STON2: variants seen among roughly 807,000 people sequenced by gnomAD.
STON2 encodes stonin-2.
STON2 carries 29 observed loss-of-function variants against 65.7 expected under a neutral mutation model. The observed-to-expected ratio is 0.44, with a 90% CI of 0.33 to 0.60. The LOEUF is 0.60. STON2 is among the 20% of genes least tolerant of loss of function. The pLI is 0.03. For synonymous variants in STON2, 404 were observed against 414.2 expected (o/e 0.98, Z 0.30); for missense variants, 1,054 against 1,118.1 (o/e 0.94, Z 0.82).
At chr14:81,268,564 A>C in intron 7 of STON2, 67 bp from the exon 8 acceptor site, 1 of 1,284,636 alleles carries the variant, frequency 7.8e-7, no homozygotes, top group Non-Finnish European at 1.0e-6. Context: ...TAAATAAGTA[A>C]ACCAAAACTC....
rs751315686 is a variant in STON2, at chr14:81,413,464, C to T, written c.-199+13638G>A. On this transcript the variant is annotated intron_variant, in intron 2 of 8. Coordinates refer to the STON2 transcript ENST00000553821. ...ATTTATTTTCTATTCCATACTTCTG[C>T]CTCACGTTGTTTTCTCTCAAAATCC... Among the ~76,000 whole-genome samples the T allele has an allele frequency of 8.3e-4, 117 of 140,196 alleles. 19 individuals carry two copies. Among genetic ancestry groups the T allele is most frequent in the Non-Finnish European group, 1.4e-3 (94 of 66,998 alleles). The allele number at this position is 140,196 out of a possible 152,430, so 92.0% of individuals were successfully genotyped here.
chr14:81,279,703 TG>T (rs1895030208), intron 5 of STON2, among the ~76,000 whole-genome samples: 1 of 143,908 alleles, frequency 6.9e-6, no homozygotes, highest in Admixed American at 6.8e-5. Context: ...AAATGAAAAA[TG>T]AAAAAAAAAA....
At chr14:81,384,222 T>C (rs548298558) in intron 3 of STON2, among the ~76,000 whole-genome samples, 1 of 150,808 alleles carries the variant, frequency 6.6e-6, no homozygotes, top group South Asian at 2.1e-4. Context: ...CTAACACACT[T>C]ACTGTATTAT....
intron 2 of STON2, among the ~76,000 whole-genome samples, chr14:81,405,897 C>G (rs1900835552): frequency 6.6e-6 from 1 of 152,168 alleles, no homozygotes; most frequent in Non-Finnish European, 1.5e-5. Flanking sequence ...CAGACTCACT[C>G]TCAATCTGGG....
At chr14:81,426,397 C>A (rs574525646) in intron 2 of STON2, among the ~76,000 whole-genome samples, 3 of 152,192 alleles carry the variant, frequency 2.0e-5, no homozygotes, top group South Asian at 4.1e-4. Flanking sequence ...CCTGATTCAA[C>A]CCTAGGACCC....
chr14:81,343,621 T>C (rs1279277686), intron 4 of STON2, among the ~76,000 whole-genome samples: 1 of 152,198 alleles, frequency 6.6e-6, no homozygotes, highest in Admixed American at 6.5e-5. Flanking sequence ...AATGAAACTT[T>C]TTCTAGTTAG....
chr14:81,381,570 C>A (rs1899518158), intron 3 of STON2, among the ~76,000 whole-genome samples: 1 of 148,310 alleles, frequency 6.7e-6, no homozygotes, highest in Non-Finnish European at 1.5e-5. Flanking sequence ...TGTTAGTAAT[C>A]TAGGAAATGC....
At chr14:81,353,236 C>CA in intron 4 of STON2, among the ~76,000 whole-genome samples, 1 of 152,314 alleles carries the variant, frequency 6.6e-6, no homozygotes, top group Non-Finnish European at 1.5e-5. Flanking sequence ...CCACACTAGT[C>CA]ACATCCATGT....
intron 5 of STON2, among the ~76,000 whole-genome samples, chr14:81,295,003 G>A (rs570235273): frequency 2.0e-5 from 3 of 152,252 alleles, no homozygotes; most frequent in Admixed American, 6.5e-5. Flanking sequence ...AGTGGGTGCC[G>A]GGTGGGCAGT....
chr14:81,269,472 A>G (rs1894485653), intron 7 of STON2: 1 of 985,328 alleles, frequency 1.0e-6, no homozygotes, highest in South Asian at 4.7e-5. Context: ...TAGCTCAGGC[A>G]AGGAATTCTT....
At chr14:81,309,486 A>C (rs1451363827) in intron 5 of STON2, among the ~76,000 whole-genome samples, 2 of 152,210 alleles carry the variant, frequency 1.3e-5, no homozygotes, top group East Asian at 1.9e-4. Context: ...AGTTATGATA[A>C]TTTTTTAAAT....
At chr14:81,270,502 T>G in intron 7 of STON2, 168 bp downstream of exon 7, 1 of 1,521,242 alleles carries the variant, frequency 6.6e-7, no homozygotes, top group South Asian at 1.3e-5. Context: ...AGATTATGCA[T>G]TTAAATCAGA....
chr14:81,393,405 G>GAGCAGA (rs1555405939), intron 3 of STON2, among the ~76,000 whole-genome samples: 1 of 151,858 alleles, frequency 6.6e-6, no homozygotes, highest in Non-Finnish European at 1.5e-5. Flanking sequence ...GAGGATACTA[G>GAGCAGA]AGCAGCAGCA....
chr14:81,427,823 G>C (rs1452016116), intron 1 of STON2, among the ~76,000 whole-genome samples: 1 of 152,164 alleles, frequency 6.6e-6, no homozygotes, highest in East Asian at 1.9e-4. Context: ...GCATCTCCCA[G>C]GGTGTGGCCA....
intron 5 of STON2, among the ~76,000 whole-genome samples, chr14:81,288,568 C>T (rs568603683): frequency 3.3e-5 from 5 of 152,268 alleles, no homozygotes; most frequent in African/African-American, 1.2e-4. Flanking sequence ...CTGACATACA[C>T]GTGTTCTGTT....
chr14:81,270,185 C>A (rs530592509), intron 7 of STON2: 2 of 435,302 alleles, frequency 4.6e-6, no homozygotes, highest in Admixed American at 1.3e-4. Flanking sequence ...CTCCCAGAGT[C>A]AAGTGATCCT....
rs1894177951 is a variant in STON2 at position 81,262,229 on chromosome 14, G to A, written c.*6185C>T. The A allele has an allele frequency of 1.5e-5, 15 of 985,292 alleles. No homozygotes were observed. Among genetic ancestry groups the A allele is most frequent in the South Asian group, 4.7e-5 (1 of 21,288 alleles). The allele number at this position is 985,292 out of a possible 1,614,324, so 61.0% of individuals were successfully genotyped here. Reference sequence around the variant, plus strand: ...GTGATTGTCTCCATGGCTATGTCCTGTAAAGATTCACAGAAACCCCAATTT... The same window carrying A: ...GTGATTGTCTCCATGGCTATGTCCTATAAAGATTCACAGAAACCCCAATTT... On this transcript the variant is annotated 3_prime_UTR_variant, in exon 8 of 8. Coordinates refer to ENST00000614646, the MANE Select transcript of STON2 (RefSeq NM_001394390.1).
chr14:81,385,177 C>G (rs532041131), intron 3 of STON2, among the ~76,000 whole-genome samples: 2 of 152,228 alleles, frequency 1.3e-5, no homozygotes, highest in South Asian at 2.1e-4. Context: ...GTATCCCACA[C>G]CAAGGGTGAG....
chr14:81,351,945 T>C (rs8009083), intron 4 of STON2, among the ~76,000 whole-genome samples: 49,327 of 152,076 alleles, frequency 0.32, 8,286 homozygotes, highest in South Asian at 0.44. Context: ...TGCTATCAAC[T>C]GTTTGTCAGT....
Sources: allele counts gnomAD v4.1 joint callset (sites outside exome capture counted in the v4.1 genomes callset), GRCh38; gene constraint gnomAD v4.1.1; transcripts MANE v1.5; gene names NCBI Gene and HGNC (gene_info 2026-07-23, HGNC 2026-07-21).